Variants in AGMO observed in about 807,000 individuals in gnomAD.
AGMO encodes the protein glyceryl-ether monooxygenase.
A neutral mutation model predicts 60.2 loss-of-function variants in AGMO; 75 were observed. The ratio of observed to expected loss-of-function variants is 1.25; its 90% confidence interval spans 1.03 to 1.51. The LOEUF is 1.51. Ranked by LOEUF, AGMO falls within the 40% of genes most tolerant of loss-of-function variation. The pLI, the probability that AGMO is intolerant of heterozygous loss-of-function variation, is 0.00. For synonymous variants in AGMO, 261 were observed against 177.1 expected (o/e 1.47, Z -3.76); for missense variants, 763 against 525.5 (o/e 1.45, Z -4.42).
intron 12 of AGMO, among the ~76,000 whole-genome samples, chr7:15,202,456 A>G (rs1178230743): frequency 8.8e-6 from 1 of 113,340 alleles, no homozygotes; most frequent in East Asian, 2.6e-4. Flanking sequence ...AATACAAATG[A>G]GCAAAAAAAA....
intron 10 of AGMO, among the ~76,000 whole-genome samples, chr7:15,380,264 A>T (rs1783623665): frequency 6.6e-6 from 1 of 152,136 alleles, no homozygotes; most frequent in Non-Finnish European, 1.5e-5. Context: ...AGAAAACCCC[A>T]TGGTGTCAAC....
rs117323422 is a variant in AGMO, at chr7:15,482,344, C to T, written c.410-51236G>A. 1.6e-3 allele frequency among the ~76,000 whole-genome samples: 245 copies of T among 152,014 alleles called. 2 individuals are homozygous for T. Among genetic ancestry groups the T allele is most frequent in the Non-Finnish European group, 3.0e-3 (206 of 67,934 alleles). ...ACCTAAGATATCACTAAAAGTCCTA[C>T]AGATCTTAAAAAAAGTTAATGGGAT... On this transcript the variant is annotated intron_variant, in intron 3 of 12. Transcript: ENST00000342526.
chr7:15,296,150 G>A (rs1344369925), intron 12 of AGMO, among the ~76,000 whole-genome samples: 1 of 151,908 alleles, frequency 6.6e-6, no homozygotes, highest in Non-Finnish European at 1.5e-5. Flanking sequence ...TAGTGAATGG[G>A]ACTATACAAT....
At chr7:15,523,847 A>G (rs951196226) in intron 3 of AGMO, among the ~76,000 whole-genome samples, 2 of 152,162 alleles carry the variant, frequency 1.3e-5, no homozygotes, top group African/African-American at 4.8e-5. Context: ...AATAAAAAAG[A>G]CACCCAGGAA....
At chr7:15,365,968 T>C (rs1357666504) in intron 11 of AGMO, among the ~76,000 whole-genome samples, 172 bp downstream of exon 11, 4 of 152,086 alleles carry the variant, frequency 2.6e-5, no homozygotes, top group Non-Finnish European at 2.9e-5. Context: ...AAATGAGTAG[T>C]TAGGAGAACT....
chr7:15,358,393 A>C (rs545113321), intron 12 of AGMO: 1 of 471,352 alleles, frequency 2.1e-6, no homozygotes, highest in Admixed American at 2.4e-5. Flanking sequence ...GGAAAGGATA[A>C]TAAGAAGGCA....
At chr7:15,383,283 T>C (rs1783767970) in intron 10 of AGMO, among the ~76,000 whole-genome samples, 1 of 152,204 alleles carries the variant, frequency 6.6e-6, no homozygotes. Flanking sequence ...AGCATAGCTG[T>C]AGGAAGTAAA....
chr7:15,538,325 TG>T (rs986181796), intron 3 of AGMO, among the ~76,000 whole-genome samples: 2 of 152,126 alleles, frequency 1.3e-5, no homozygotes, highest in Non-Finnish European at 2.9e-5. Flanking sequence ...CTAAAATTCC[TG>T]GGCTCAGGTG....
chr7:15,247,455 C>CAGAGAGAGAGAGAGAGAG, intron 12 of AGMO, among the ~76,000 whole-genome samples: 1 of 120,300 alleles, frequency 8.3e-6, no homozygotes, highest in African/African-American at 3.5e-5. Context: ...CACACACACA[C>CAGAGAGAGAGAGAGAGAG]ACACAGAGAG....
the AGMO span, among the ~76,000 whole-genome samples, chr7:15,125,777 A>C: frequency 3.1e-4 from 47 of 152,244 alleles, no homozygotes; most frequent in East Asian, 1.7e-3. Context: ...ATCCTAGAAC[A>C]AGCAAAAATT....
chr7:15,553,234 G>A (rs1244099411), intron 2 of AGMO, among the ~76,000 whole-genome samples: 1 of 151,406 alleles, frequency 6.6e-6, no homozygotes, highest in Non-Finnish European at 1.5e-5. Context: ...TGACGAGTTA[G>A]TGGGTGCAGC....
chr7:15,397,717 A>C (rs1304227720), intron 5 of AGMO, among the ~76,000 whole-genome samples: 1 of 152,226 alleles, frequency 6.6e-6, no homozygotes, highest in East Asian at 1.9e-4. Flanking sequence ...TACAAACAGC[A>C]AAACTTTGGA....
At chr7:15,227,886 T>C (rs1332024631) in intron 12 of AGMO, among the ~76,000 whole-genome samples, 2 of 152,092 alleles carry the variant, frequency 1.3e-5, no homozygotes, top group Admixed American at 6.6e-5. Flanking sequence ...TAGGTCAACT[T>C]AGAATACAAA....
intron 12 of AGMO, among the ~76,000 whole-genome samples, chr7:15,230,691 GGAAA>G (rs1317452107): frequency 1.3e-5 from 2 of 152,026 alleles, no homozygotes; most frequent in African/African-American, 4.8e-5. Flanking sequence ...TCCTTATAAG[GGAAA>G]GAGAGAGAAA....
At chr7:15,394,222 A>G (rs1481415641) in intron 5 of AGMO, 43 bp from the exon 6 acceptor site, 2 of 1,346,032 alleles carry the variant, frequency 1.5e-6, no homozygotes, top group Non-Finnish European at 2.1e-6. Context: ...AGTTATCATT[A>G]AATGTGTGTT....
intron 12 of AGMO, among the ~76,000 whole-genome samples, chr7:15,259,295 C>T (rs573551610): frequency 6.6e-6 from 1 of 151,568 alleles, no homozygotes; most frequent in South Asian, 2.1e-4. Flanking sequence ...ATTGAACAAG[C>T]AGAAGAAAGA....
intron 12 of AGMO, among the ~76,000 whole-genome samples, chr7:15,204,158 T>C (rs548202281): frequency 4.6e-5 from 7 of 152,126 alleles, no homozygotes; most frequent in Admixed American, 6.6e-5. Flanking sequence ...TGTGTTTATA[T>C]ATAAATATTA....
At chr7:15,316,874 C>T (rs561600718) in intron 12 of AGMO, among the ~76,000 whole-genome samples, 4 of 152,130 alleles carry the variant, frequency 2.6e-5, no homozygotes, top group South Asian at 4.2e-4. Flanking sequence ...AGTATGTAGA[C>T]GTCATAACCC....
At chr7:15,524,184 C>T (rs957662679) in intron 3 of AGMO, among the ~76,000 whole-genome samples, 3 of 151,622 alleles carry the variant, frequency 2.0e-5, no homozygotes, top group Non-Finnish European at 4.4e-5. Context: ...AAATAGTAAA[C>T]TTGAATTTGA....
Sources: allele counts gnomAD v4.1 joint callset (sites outside exome capture counted in the v4.1 genomes callset), GRCh38; gene constraint gnomAD v4.1.1; transcripts MANE v1.5; gene names NCBI Gene and HGNC (gene_info 2026-07-23, HGNC 2026-07-21).